Variants in KSR2 observed in about 807,000 individuals in gnomAD.
KSR2 encodes kinase suppressor of ras 2.
A neutral mutation model predicts 107.8 loss-of-function variants in KSR2; 25 were observed. That is an observed-to-expected ratio of 0.23 (90% CI 0.17 to 0.32). The LOEUF is 0.32. Ranked by LOEUF, KSR2 falls within the 10% of genes least tolerant of loss-of-function variation. The pLI, the probability that KSR2 is intolerant of heterozygous loss-of-function variation, is 1.00. For synonymous variants in KSR2, 480 were observed against 507.0 expected (o/e 0.95, Z 0.71); for missense variants, 887 against 1,268.9 (o/e 0.70, Z 4.57).
chr12:117,958,910 CCTAGTGT>C (rs1896588530), intron 1 of KSR2, among the ~76,000 whole-genome samples: 1 of 34,360 alleles, frequency 2.9e-5, no homozygotes, highest in Admixed American at 2.1e-4. Context: ...AAAAATAAGA[CCTAGTGT>C]TGAACAAACC....
chr12:117,676,358 AG>A (rs532658975), intron 4 of KSR2, among the ~76,000 whole-genome samples: 39 of 152,360 alleles, frequency 2.6e-4, no homozygotes, highest in African/African-American at 8.7e-4. Context: ...GTCCTTTTAG[AG>A]AAGACATGGA....
chr12:117,820,414 C>A (rs991477099), intron 3 of KSR2, among the ~76,000 whole-genome samples: 2 of 152,104 alleles, frequency 1.3e-5, no homozygotes, highest in East Asian at 3.8e-4. Context: ...CAGTGGGTCC[C>A]GGAAATTCAG....
rs534700373 is a variant in KSR2, at chr12:117,866,356, C to T, written c.181-5925G>A. Among the ~76,000 whole-genome samples the T allele has an allele frequency of 2.0e-4, 31 of 152,254 alleles. 1 individual carries two copies. The highest frequency in any genetic ancestry group is 1.2e-3 in the South Asian group (6 of 4,826). On this transcript the variant is annotated intron_variant, in intron 1 of 19. Coordinates refer to ENST00000339824, the MANE Select transcript of KSR2 (RefSeq NM_173598.6). ...GCATGGGCCACTGCTCTCTTTATAACGGAGCACAGGACACAGTCTCAGAGC... is the reference window on the plus strand; with the variant it reads ...GCATGGGCCACTGCTCTCTTTATAATGGAGCACAGGACACAGTCTCAGAGC...
At chr12:117,711,708 C>G (rs533173177) in intron 4 of KSR2, among the ~76,000 whole-genome samples, 1 of 152,192 alleles carries the variant, frequency 6.6e-6, no homozygotes, top group Non-Finnish European at 1.5e-5. Context: ...GCTTTGATTT[C>G]TCATGGAAGG....
At chr12:117,727,378 AAAGAAGG>A (rs1484819691) in intron 4 of KSR2, among the ~76,000 whole-genome samples, 3 of 151,980 alleles carry the variant, frequency 2.0e-5, no homozygotes, top group African/African-American at 7.3e-5. Flanking sequence ...CTGTGAAGAA[AAAGAAGG>A]AAGAAGGAGC....
chr12:117,912,327 C>T (rs1192149884), intron 1 of KSR2, among the ~76,000 whole-genome samples: 1 of 152,198 alleles, frequency 6.6e-6, no homozygotes, highest in African/African-American at 2.4e-5. Flanking sequence ...TCTTGCCTTC[C>T]TTGCTAAAAC....
chr12:117,566,916 A>T (rs1248640669), intron 7 of KSR2, among the ~76,000 whole-genome samples: 1 of 152,122 alleles, frequency 6.6e-6, no homozygotes, highest in African/African-American at 2.4e-5. Context: ...GCCCAGCTGG[A>T]TTTGAACCAG....
chr12:117,921,348 T>C (rs1218786031), intron 1 of KSR2, among the ~76,000 whole-genome samples: 1 of 152,196 alleles, frequency 6.6e-6, no homozygotes, highest in African/African-American at 2.4e-5. Context: ...GTTCAGTAAA[T>C]ATTAAGCAAA....
At chr12:117,564,839 A>G (rs1878361760) in intron 7 of KSR2, among the ~76,000 whole-genome samples, 1 of 152,226 alleles carries the variant, frequency 6.6e-6, no homozygotes, top group African/African-American at 2.4e-5. Flanking sequence ...AACACTGCAG[A>G]TTTAGAAACA....
At chr12:117,854,595 A>G (rs1490931535) in intron 3 of KSR2, among the ~76,000 whole-genome samples, 5 of 152,124 alleles carry the variant, frequency 3.3e-5, no homozygotes, top group African/African-American at 1.2e-4. Flanking sequence ...CAACAGTGAC[A>G]CCTTGTGGTG....
intron 1 of KSR2, among the ~76,000 whole-genome samples, chr12:117,947,196 A>AGAG (rs1555260419): frequency 1.1e-5 from 1 of 89,362 alleles, no homozygotes; most frequent in African/African-American, 4.3e-5. Context: ...GAAAAGAAAG[A>AGAG]AAAGAAAGAA....
At chr12:117,828,700 C>T (rs1891846834) in intron 3 of KSR2, among the ~76,000 whole-genome samples, 1 of 152,226 alleles carries the variant, frequency 6.6e-6, no homozygotes, top group Non-Finnish European at 1.5e-5. Flanking sequence ...TCGGGGGCCC[C>T]TCAGCCCTGG....
intron 3 of KSR2, among the ~76,000 whole-genome samples, chr12:117,818,985 A>T (rs1482375793): frequency 6.6e-6 from 1 of 152,038 alleles, no homozygotes; most frequent in Non-Finnish European, 1.5e-5. Context: ...CCCCACCACA[A>T]GTTTTTATAG....
intron 5 of KSR2, among the ~76,000 whole-genome samples, chr12:117,636,811 A>G (rs147942849): frequency 1.9e-3 from 289 of 152,352 alleles, no homozygotes; most frequent in African/African-American, 6.7e-3. Flanking sequence ...GATACATTTG[A>G]CTGCATTAAC....
intron 18 of KSR2, among the ~76,000 whole-genome samples, chr12:117,470,282 A>G (rs1871367822): frequency 6.6e-6 from 1 of 151,302 alleles, no homozygotes; most frequent in Non-Finnish European, 1.5e-5. Context: ...TCCATCCTTC[A>G]TCCATCCATC....
At chr12:117,800,816 G>T (rs545307445) in intron 3 of KSR2, among the ~76,000 whole-genome samples, 1 of 150,868 alleles carries the variant, frequency 6.6e-6, no homozygotes, top group South Asian at 2.1e-4. Flanking sequence ...TGTTCTCATT[G>T]TTCAACTCCC....
chr12:117,878,136 C>T (rs889252197), intron 1 of KSR2, among the ~76,000 whole-genome samples: 2 of 96,340 alleles, frequency 2.1e-5, no homozygotes, highest in African/African-American at 1.6e-4. Flanking sequence ...AGAATTCAGG[C>T]AAACTTAACT....
chr12:117,664,052 T>C (rs16947860), intron 5 of KSR2, among the ~76,000 whole-genome samples: 8,015 of 152,290 alleles, frequency 0.053, 503 homozygotes, highest in African/African-American at 0.15. Context: ...ACGTCTTTCA[T>C]TCTAGCCCTA....
intron 9 of KSR2, among the ~76,000 whole-genome samples, chr12:117,540,379 GGA>G (rs1485361575): frequency 6.6e-6 from 1 of 152,106 alleles, no homozygotes; most frequent in Non-Finnish European, 1.5e-5. Flanking sequence ...TCAAAAACAA[GGA>G]GAGAGAGAGA....
Sources: gnomAD v4.1 joint callset for allele counts (sites outside exome capture counted in the v4.1 genomes callset) on GRCh38, gnomAD v4.1.1 for gene constraint, MANE v1.5 for transcripts, NCBI Gene and HGNC (gene_info 2026-07-23, HGNC 2026-07-21) for gene names.